NAV2: variants seen among roughly 807,000 people sequenced by gnomAD.
NAV2 encodes the protein helicase, APC down-regulated 1.
Under a neutral mutation model 223.2 loss-of-function variants are expected in NAV2, and 54 were observed. The ratio of observed to expected loss-of-function variants is 0.24; its 90% CI spans 0.19 to 0.30. The LOEUF (loss-of-function observed/expected upper bound fraction) is 0.30, where lower values mean the gene tolerates loss of function less well. NAV2 is among the 10% of genes least tolerant of loss of function. The pLI, the probability that NAV2 is intolerant of heterozygous loss-of-function variation, is 1.00. For missense variants in NAV2, 2,806 were observed against 3,147.5 expected, an observed-to-expected ratio of 0.89 and a Z score of 2.60; for synonymous variants, 1,279 against 1,239.3, an observed-to-expected ratio of 1.03 and a Z score of -0.67.
intron 1 of NAV2, among the ~76,000 whole-genome samples, chr11:19,477,830 T>C (rs570239542): frequency 6.6e-6 from 1 of 152,340 alleles, no homozygotes; most frequent in South Asian, 2.1e-4. Context: ...GGGCATTGCC[T>C]GAAGTTTCTC....
chr11:19,953,099 T>A (rs1362525324), intron 10 of NAV2, among the ~76,000 whole-genome samples: 2 of 152,186 alleles, frequency 1.3e-5, no homozygotes, highest in African/African-American at 2.4e-5. Context: ...AGAATAAAAT[T>A]AAAGGGGCAG....
intron 5 of NAV2, among the ~76,000 whole-genome samples, chr11:19,889,237 C>G (rs1169971949): frequency 6.6e-6 from 1 of 152,174 alleles, no homozygotes; most frequent in Non-Finnish European, 1.5e-5. Context: ...TTCCCACTTA[C>G]CACACAGTCA....
chr11:20,070,599 G>C (rs1235314509), intron 22 of NAV2, among the ~76,000 whole-genome samples: 1 of 152,192 alleles, frequency 6.6e-6, no homozygotes, highest in East Asian at 1.9e-4. Context: ...ACCGCACACT[G>C]CTGGAAGGGT....
intron 1 of NAV2, among the ~76,000 whole-genome samples, chr11:19,828,298 A>G (rs150829782): frequency 6.6e-6 from 1 of 152,152 alleles, no homozygotes; most frequent in East Asian, 1.9e-4. Context: ...TTATCTCCAG[A>G]ACTTTTTCAA....
At chr11:19,877,860 C>T (rs189385024) in intron 4 of NAV2, among the ~76,000 whole-genome samples, 2 of 152,178 alleles carry the variant, frequency 1.3e-5, no homozygotes, top group East Asian at 3.9e-4. Context: ...CTTTGTTTTC[C>T]CATAAGTAAA....
chr11:20,006,324 C>T (rs1337419482), intron 11 of NAV2, among the ~76,000 whole-genome samples: 2 of 152,040 alleles, frequency 1.3e-5, no homozygotes, highest in African/African-American at 2.4e-5. Context: ...GGGGTGGTAG[C>T]AGAGGCACCA....
chr11:19,376,326 A>T (rs1848640180), intron 1 of NAV2, among the ~76,000 whole-genome samples: 1 of 152,252 alleles, frequency 6.6e-6, no homozygotes, highest in Admixed American at 6.5e-5. Flanking sequence ...TGGTAAATAC[A>T]GATAATAGGT....
chr11:20,099,695 C>G (rs948317866), intron 31 of NAV2, among the ~76,000 whole-genome samples: 1 of 152,106 alleles, frequency 6.6e-6, no homozygotes, highest in African/African-American at 2.4e-5. Context: ...TTCAGTGGTA[C>G]CAGGGGAAGG....
chr11:19,698,926 AC>A (rs1267681966), intron 1 of NAV2, among the ~76,000 whole-genome samples: 3 of 152,308 alleles, frequency 2.0e-5, no homozygotes, highest in Admixed American at 6.5e-5. Flanking sequence ...CCTTTTCCAT[AC>A]CTGAACTCCA....
At chr11:19,816,632 A>G (rs1345937711) in intron 1 of NAV2, among the ~76,000 whole-genome samples, 2 of 152,192 alleles carry the variant, frequency 1.3e-5, no homozygotes, top group African/African-American at 4.8e-5. Context: ...CTGGACTTGG[A>G]TACATTAGCA....
At chr11:20,003,162 G>C (rs1389076101) in intron 11 of NAV2, among the ~76,000 whole-genome samples, 1 of 152,190 alleles carries the variant, frequency 6.6e-6, no homozygotes, top group African/African-American at 2.4e-5. Flanking sequence ...GGGATTCTGA[G>C]GTCACTGAGA....
At chr11:19,859,614 A>G (rs2061579211) in intron 3 of NAV2, among the ~76,000 whole-genome samples, 1 of 151,490 alleles carries the variant, frequency 6.6e-6, no homozygotes, top group African/African-American at 2.4e-5. Flanking sequence ...ATTCCACAAA[A>G]CCGCCATCGT....
At chr11:20,057,141 C>T (rs2058413323) in intron 19 of NAV2, among the ~76,000 whole-genome samples, 1 of 151,980 alleles carries the variant, frequency 6.6e-6, no homozygotes, top group South Asian at 2.1e-4. Flanking sequence ...CTTCCCGGTC[C>T]CCATATGAGT....
At chr11:20,012,350 A>G (rs953033575) in intron 11 of NAV2, among the ~76,000 whole-genome samples, 4 of 151,784 alleles carry the variant, frequency 2.6e-5, no homozygotes, top group African/African-American at 9.7e-5. Flanking sequence ...TTTTGCACCA[A>G]CCTAATACCA....
chr11:19,440,125 G>A (rs755565284), intron 1 of NAV2, among the ~76,000 whole-genome samples: 2 of 152,122 alleles, frequency 1.3e-5, no homozygotes, highest in Non-Finnish European at 2.9e-5. Flanking sequence ...TAATCTTTCA[G>A]GGCCTACTAT....
chr11:19,841,820 T>C (rs1000875210), intron 2 of NAV2, among the ~76,000 whole-genome samples: 3 of 152,150 alleles, frequency 2.0e-5, no homozygotes, highest in African/African-American at 7.2e-5. Context: ...ACAATACGTA[T>C]TATTGGGTTC....
At chr11:19,358,848 A>G (rs1187308400) in intron 1 of NAV2, among the ~76,000 whole-genome samples, 1 of 152,226 alleles carries the variant, frequency 6.6e-6, no homozygotes, top group Admixed American at 6.5e-5. Context: ...AAAATCCTTA[A>G]TGATGTGAGA....
At chr11:19,588,838 C>A (rs2045971216) in intron 1 of NAV2, among the ~76,000 whole-genome samples, 2 of 152,192 alleles carry the variant, frequency 1.3e-5, no homozygotes, top group African/African-American at 2.4e-5. Context: ...GCTTGGTCAG[C>A]CTCATTTGTG....
chr11:19,832,046 CT>C (rs1416192689), intron 1 of NAV2, among the ~76,000 whole-genome samples: 9 of 152,198 alleles, frequency 5.9e-5, no homozygotes, highest in Admixed American at 1.3e-4. Context: ...CCTCCTTACC[CT>C]GAAATGGCCC....
Sources: allele counts gnomAD v4.1 joint callset (sites outside exome capture counted in the v4.1 genomes callset), GRCh38; gene constraint gnomAD v4.1.1; transcripts MANE v1.5; gene names NCBI Gene and HGNC (gene_info 2026-07-23, HGNC 2026-07-21).